The following VWC2 variants were observed in gnomAD, a reference collection of about 807,000 sequenced individuals.
VWC2 encodes brorin.
A neutral mutation model predicts 29.8 loss-of-function variants in VWC2; 14 were observed. That is an observed-to-expected ratio of 0.47 (90% confidence interval 0.31 to 0.74). The LOEUF (loss-of-function observed/expected upper bound fraction) is 0.74. VWC2 is among the 30% of genes least tolerant of loss of function. The probability of loss-of-function intolerance (pLI) is 0.05; values close to 1 mark genes in which losing one functional copy is unlikely to be tolerated. For synonymous variants in VWC2, 213 were observed against 199.0 expected, an observed-to-expected ratio of 1.07 and a Z score of -0.59; for missense variants, 457 against 459.8, an observed-to-expected ratio of 0.99 and a Z score of 0.05.
intron 2 of VWC2, among the ~76,000 whole-genome samples, chr7:49,786,486 T>A (rs1451787616): frequency 6.6e-6 from 1 of 152,210 alleles, no homozygotes; most frequent in Non-Finnish European, 1.5e-5. Flanking sequence ...TTATTTTCCT[T>A]TGGGTATATA....
rs1271794107 is a variant in VWC2, at chr7:49,914,610, C to A, written c.*2425C>A. 3 of 152,072 alleles carry A rather than the reference C, an allele frequency of 2.0e-5. No individual in the cohort carries two copies. Among genetic ancestry groups the A allele is most frequent in the African/African-American group, 4.8e-5 (2 of 41,396 alleles). The allele number at this position is 152,072 out of a possible 1,614,324, so 9.4% of individuals were successfully genotyped here. On this transcript the variant is annotated 3_prime_UTR_variant, in exon 4 of 4. Coordinates refer to ENST00000340652, the MANE Select transcript of VWC2 (RefSeq NM_198570.5). ...TGTATATACTCATTAATAATAATGGCATTATTTGCATTTTTGTCCAAGATC... is the reference window on the plus strand; with the variant it reads ...TGTATATACTCATTAATAATAATGGAATTATTTGCATTTTTGTCCAAGATC...
At chr7:49,781,869 T>C (rs1248836608) in intron 2 of VWC2, among the ~76,000 whole-genome samples, 1 of 152,152 alleles carries the variant, frequency 6.6e-6, no homozygotes. Context: ...TGAGTCGTAA[T>C]GGGACTAAAA....
chr7:49,889,639 C>T (rs1198102120), intron 3 of VWC2, among the ~76,000 whole-genome samples: 1 of 152,128 alleles, frequency 6.6e-6, no homozygotes, highest in African/African-American at 2.4e-5. Flanking sequence ...CCATGCAGAC[C>T]CTTTTTGCTC....
chr7:49,809,212 C>T (rs12375076), intron 3 of VWC2, among the ~76,000 whole-genome samples: 29,199 of 151,740 alleles, frequency 0.19, 3,920 homozygotes, highest in East Asian at 0.64. Flanking sequence ...ACTAACCCTA[C>T]AAAAATGAAA....
At chr7:49,801,331 G>A (rs1180293682) in intron 2 of VWC2, among the ~76,000 whole-genome samples, 1 of 152,168 alleles carries the variant, frequency 6.6e-6, no homozygotes, top group Non-Finnish European at 1.5e-5. Flanking sequence ...AGCTTGATAC[G>A]ACCCATTTCC....
rs566655669 is a variant in VWC2, at chr7:49,916,188, C to T, written c.*4003C>T. On this transcript the variant is annotated 3_prime_UTR_variant, in exon 4 of 4. Transcript: ENST00000340652. ...TTCTAAATGTAGATCTAGTTTTCAA[C>T]TGAATTCTTTGAGGATCGCAATCAC... 4.6e-5 allele frequency: 7 copies of T among 152,274 alleles called. No homozygotes were observed. In the East Asian group the frequency reaches 1.2e-3, roughly 25 times the overall value. The allele number at this position is 152,274 out of a possible 1,614,324, so 9.4% of individuals were successfully genotyped here.
At chr7:49,886,265 G>A (rs550346958) in intron 3 of VWC2, among the ~76,000 whole-genome samples, 1 of 152,172 alleles carries the variant, frequency 6.6e-6, no homozygotes, top group East Asian at 1.9e-4. Context: ...ATCACTTTTA[G>A]TAAAAGTCCT....
Position 49,775,462 on chromosome 7 carries a change from T to G in VWC2, c.27T>G (p.Val9=). The change falls in exon 2 of 4, where the codon GTT becomes GTG. Residue 9 remains valine (V), a synonymous_variant. Coordinates refer to ENST00000340652, the MANE Select transcript of VWC2 (RefSeq NM_198570.5). ...TGCCCAGCTCCACTGCGATGGCAGT[T>G]GGCGCGCTCTCCAGTTCCCTCCTGG... The part of the protein sequence containing the change: MPSSTAMA[V]GALSSSLLVT... The G allele has an allele frequency of 6.7e-7, 1 of 1,487,800 alleles. No individual in the cohort carries two copies. The highest frequency in any genetic ancestry group is 8.9e-7 in the Non-Finnish European group (1 of 1,122,754). 92.2% of individuals were successfully genotyped at this position (1,487,800 alleles called of 1,614,324 possible). A position where few individuals can be genotyped will look rare whatever the true frequency, so the allele number is the denominator to read the frequency against.
intron 3 of VWC2, among the ~76,000 whole-genome samples, chr7:49,837,013 A>G (rs1424800670): frequency 6.6e-5 from 10 of 152,242 alleles, no homozygotes; most frequent in Non-Finnish European, 8.8e-5. Context: ...CTTGAAATTT[A>G]GTCTTTGAAG....
chr7:49,915,812 G>A lies in VWC2; in HGVS notation c.*3627G>A, dbSNP rs1295366478. ...ATATCATATTTTTCCCCAACATAAT[G>A]TTATTATGAAGAGTATCAGATGTAC... On this transcript the variant is annotated 3_prime_UTR_variant, in exon 4 of 4. Transcript: ENST00000340652. 5.9e-5 allele frequency: 9 copies of A among 152,082 alleles called. No homozygotes were observed. The highest frequency in any genetic ancestry group is 8.8e-5 in the Non-Finnish European group (6 of 67,990). The allele number at this position is 152,082 out of a possible 1,614,324, so 9.4% of individuals were successfully genotyped here. A position where few individuals can be genotyped will look rare whatever the true frequency, so the allele number is the denominator to read the frequency against.
intron 3 of VWC2, among the ~76,000 whole-genome samples, chr7:49,852,414 A>G (rs1790216928): frequency 6.6e-6 from 1 of 152,184 alleles, no homozygotes. Flanking sequence ...TAACAAGGTG[A>G]CCGGTGCTGT....
At chr7:49,818,734 A>G (rs1272585066) in intron 3 of VWC2, among the ~76,000 whole-genome samples, 2 of 150,838 alleles carry the variant, frequency 1.3e-5, no homozygotes, top group African/African-American at 4.9e-5. Flanking sequence ...ATATATATAT[A>G]TGTATATCTT....
intron 2 of VWC2, 104 bp from the exon 3 acceptor site, chr7:49,802,607 C>T: frequency 6.8e-7 from 1 of 1,469,594 alleles, no homozygotes; most frequent in Non-Finnish European, 9.3e-7. Flanking sequence ...CACTGCACTC[C>T]AGTGTGAGCG....
At chr7:49,888,012 T>C (rs1791972526) in intron 3 of VWC2, among the ~76,000 whole-genome samples, 1 of 152,248 alleles carries the variant, frequency 6.6e-6, no homozygotes, top group Non-Finnish European at 1.5e-5. Context: ...GTATCATGTA[T>C]TTGTCCTTGT....
chr7:49,858,824 A>T (rs890474360), intron 3 of VWC2, among the ~76,000 whole-genome samples: 1 of 152,228 alleles, frequency 6.6e-6, no homozygotes, highest in Non-Finnish European at 1.5e-5. Context: ...TTATGTTTAT[A>T]AAATTCATAC....
At chr7:49,909,968 G>T (rs930046911) in intron 3 of VWC2, among the ~76,000 whole-genome samples, 1 of 151,910 alleles carries the variant, frequency 6.6e-6, no homozygotes, top group Admixed American at 6.6e-5. Context: ...AGTTACTCAG[G>T]TGTGGTGGTG....
At chr7:49,807,156 A>G (rs530079609) in intron 3 of VWC2, among the ~76,000 whole-genome samples, 107 of 152,318 alleles carry the variant, frequency 7.0e-4, no homozygotes, top group Middle Eastern at 3.4e-3. Context: ...AGACCTAAGT[A>G]AAAGGAGGGA....
At chr7:49,820,844 G>C (rs1310386645) in intron 3 of VWC2, among the ~76,000 whole-genome samples, 2 of 152,124 alleles carry the variant, frequency 1.3e-5, no homozygotes, top group African/African-American at 4.8e-5. Flanking sequence ...TGCAGCCCAG[G>C]TGCAGGCTGA....
At position 49,775,543 on chromosome 7, in the gene VWC2, G is replaced by A; in HGVS notation, c.108G>A (p.Leu36=). 2 of 1,564,522 alleles carry A rather than the reference G, an allele frequency of 1.3e-6. No homozygotes were observed. The highest frequency in any genetic ancestry group is 1.2e-5 in the South Asian group (1 of 84,392). Residue 36 remains leucine, a synonymous_variant, in exon 2 of 4, where the codon CTG becomes CTA. Transcript: ENST00000340652. ...LCSPSIPLEK[L]AQAPEQPGQE... ...GTCCGAGCATCCCGCTGGAGAAGCT[G>A]GCCCAGGCACCAGAGCAGCCGGGCC...
Sources: allele counts gnomAD v4.1 joint callset (sites outside exome capture counted in the v4.1 genomes callset), GRCh38; gene constraint gnomAD v4.1.1; transcripts MANE v1.5; gene names NCBI Gene and HGNC (gene_info 2026-07-23, HGNC 2026-07-21).